Variants in NBPF11 observed in about 807,000 individuals in gnomAD.
NBPF11 encodes the protein NBPF family member NBPF11.
A neutral mutation model predicts 93.9 loss-of-function variants in NBPF11; 72 were observed. The ratio of observed to expected loss-of-function variants is 0.77; its 90% CI spans 0.63 to 0.93. The LOEUF is 0.93. Ranked by LOEUF, NBPF11 falls within the 40% of genes least tolerant of loss-of-function variation. NBPF11 has a pLI of 0.00. For synonymous variants in NBPF11, 224 were observed against 304.9 expected, an observed-to-expected ratio of 0.73 and a Z score of 2.76; for missense variants, 705 against 802.2, an observed-to-expected ratio of 0.88 and a Z score of 1.46.
chr1:148,134,418 C>A (rs2149273196), intron 4 of NBPF11, among the ~76,000 whole-genome samples: 1 of 148,072 alleles, frequency 6.8e-6, no homozygotes, highest in East Asian at 2.0e-4. Context: ...AGTGTGCACA[C>A]AGGGGAGCCA....
Position 148,124,888 on chromosome 1 carries a change from G to A in NBPF11, c.278+11C>T, listed in dbSNP as rs781838112. On this transcript the variant is annotated intron_variant, in intron 6 of 23. Coordinates refer to ENST00000682118, the MANE Select transcript of NBPF11 (RefSeq NM_001385469.3). Reference sequence around the variant, plus strand: ...CCTACCTGCCTGTCTCCCCCTACGGGGTCCCCTCACCTGAGCTCCTCAGCT... The same window carrying A: ...CCTACCTGCCTGTCTCCCCCTACGGAGTCCCCTCACCTGAGCTCCTCAGCT... 1.9e-6 allele frequency: 3 copies of A among 1,608,030 alleles called. No homozygotes were observed. The highest frequency in any genetic ancestry group is 2.2e-5 in the South Asian group (2 of 91,008).
intron 5 of NBPF11, among the ~76,000 whole-genome samples, chr1:148,126,234 C>T (rs1436038163): frequency 2.6e-5 from 4 of 151,906 alleles, no homozygotes; most frequent in South Asian, 2.1e-4. Context: ...CTGCTGACCT[C>T]GTCCTCTGCC....
chr1:148,104,037 T>G (rs2149158426), intron 23 of NBPF11, 125 bp from the exon 24 acceptor site: 1 of 1,588,962 alleles, frequency 6.3e-7, no homozygotes, highest in Non-Finnish European at 8.6e-7. Flanking sequence ...ATTAATGAGG[T>G]AACAAATTAT....
intron 10 of NBPF11, among the ~76,000 whole-genome samples, chr1:148,119,707 G>T (rs1220265108): frequency 6.6e-6 from 1 of 151,892 alleles, no homozygotes; most frequent in Non-Finnish European, 1.5e-5. Flanking sequence ...CCAGGCTGGA[G>T]TGCAACGGCA....
At chr1:148,106,755 C>T (rs1388987151) in intron 20 of NBPF11, among the ~76,000 whole-genome samples, 187 bp downstream of exon 20, 1 of 148,544 alleles carries the variant, frequency 6.7e-6, no homozygotes, top group Non-Finnish European at 1.5e-5. Flanking sequence ...TAGAGCCTTG[C>T]TCACTGACCC....
chr1:148,110,032 G>T (rs1173760065), intron 16 of NBPF11, among the ~76,000 whole-genome samples: 3 of 150,188 alleles, frequency 2.0e-5, no homozygotes, highest in Admixed American at 6.6e-5. Flanking sequence ...TTTGTAGCTG[G>T]CAAGAGACAT....
At chr1:148,151,464 C>G (rs1359067484) in intron 1 of NBPF11, among the ~76,000 whole-genome samples, 2 of 152,074 alleles carry the variant, frequency 1.3e-5, no homozygotes, top group Admixed American at 6.5e-5. Flanking sequence ...GACGTGCCCC[C>G]GAAGCTGCTC....
At chr1:148,132,769 T>C (rs1670632073) in intron 4 of NBPF11, among the ~76,000 whole-genome samples, 1 of 77,416 alleles carries the variant, frequency 1.3e-5, no homozygotes, top group Non-Finnish European at 2.3e-5. Context: ...TTTTTTTTTT[T>C]GAGACAGAGT....
chr1:148,126,534 T>A (rs1553273081), intron 5 of NBPF11, among the ~76,000 whole-genome samples: 11 of 152,014 alleles, frequency 7.2e-5, no homozygotes, highest in African/African-American at 9.7e-5. Flanking sequence ...GGATCTTATA[T>A]GGTACAGAGA....
chr1:148,148,731 C>T (rs1647392981), intron 1 of NBPF11, among the ~76,000 whole-genome samples: 2 of 151,900 alleles, frequency 1.3e-5, no homozygotes, highest in Admixed American at 6.5e-5. Context: ...GAAGAGTGTC[C>T]GCTGTCCTGG....
At chr1:148,106,699 C>T (rs1663713804) in intron 20 of NBPF11, among the ~76,000 whole-genome samples, 2 of 148,618 alleles carry the variant, frequency 1.3e-5, no homozygotes, top group Non-Finnish European at 3.0e-5. Context: ...GTCCAATGTG[C>T]TGAGAGTGGG....
chr1:148,127,265 G>T, intron 4 of NBPF11: 1 of 179,016 alleles, frequency 5.6e-6, no homozygotes, highest in Non-Finnish European at 9.3e-6. Flanking sequence ...GAGGTAGATT[G>T]TGGCCAGCGT....
At chr1:148,118,537 G>A in intron 11 of NBPF11, 83 bp downstream of exon 11, 1 of 1,311,096 alleles carries the variant, frequency 7.6e-7, no homozygotes, top group Non-Finnish European at 1.1e-6. Context: ...GCCCAGCTTA[G>A]CTCTTACGTC....
In NBPF11 at chr1:148,132,648, G is replaced by C. The variant is rs1267940845; in HGVS notation, c.-36+3024C>G. Among the ~76,000 whole-genome samples, 66 of 124,052 alleles carry C rather than the reference G, an allele frequency of 5.3e-4. 1 individual carries two copies. The highest frequency in any genetic ancestry group is 1.9e-3 in the African/African-American group (64 of 33,222). The allele number at this position is 124,052 out of a possible 152,430, so 81.4% of individuals were successfully genotyped here. On this transcript the variant is annotated intron_variant, in intron 4 of 23. Coordinates refer to ENST00000682118, the MANE Select transcript of NBPF11 (RefSeq NM_001385469.3). ...CAAGGTTTATCTCCCCACTAATTTA[G>C]TTCTTTCATAATTTCTCAAAGCAAT... is the stretch of plus-strand genomic sequence containing the variant.
intron 4 of NBPF11, chr1:148,127,316 G>A (rs1669329893): frequency 8.1e-6 from 1 of 124,004 alleles, no homozygotes; most frequent in Non-Finnish European, 1.3e-5. Context: ...GAATTAGAAG[G>A]TAGGGGTGTC....
At chr1:148,126,326 T>A (rs1669104770) in intron 5 of NBPF11, among the ~76,000 whole-genome samples, 1 of 151,782 alleles carries the variant, frequency 6.6e-6, no homozygotes, top group South Asian at 2.1e-4. Context: ...ATGCTGTCAC[T>A]TATAGATAGC....
rs1414978264 is a variant in NBPF11, at chr1:148,135,638, T to A, written c.-36+34A>T. The A allele has an allele frequency of 5.0e-6, 3 of 595,958 alleles. No homozygotes were observed. In the African/African-American group the frequency reaches 6.0e-5, roughly 12 times the overall value. 36.9% of individuals were successfully genotyped at this position (595,958 alleles called of 1,614,324 possible). A position where few individuals can be genotyped will look rare whatever the true frequency, so the allele number is the denominator to read the frequency against. ...TGCCCTGGAAAAACTACTGGTAGCA[T>A]CTTTCAGAAAGCTCTCTGTGTTTGA... On this transcript the variant is annotated intron_variant, in intron 4 of 23. Transcript: ENST00000682118.
intron 4 of NBPF11, among the ~76,000 whole-genome samples, chr1:148,132,325 T>C (rs1222834422): frequency 7.1e-6 from 1 of 140,960 alleles, no homozygotes; most frequent in African/African-American, 2.7e-5. Flanking sequence ...ATTTCTGGAT[T>C]CTCTCTTCTC....
intron 9 of NBPF11, among the ~76,000 whole-genome samples, chr1:148,121,005 A>C (rs1400792508): frequency 2.0e-5 from 3 of 152,002 alleles, no homozygotes; most frequent in Admixed American, 6.5e-5. Flanking sequence ...TGTGTAGCAC[A>C]AAAGATTTCA....
Sources: allele counts gnomAD v4.1 joint callset (sites outside exome capture counted in the v4.1 genomes callset), GRCh38; gene constraint gnomAD v4.1.1; transcripts MANE v1.5; gene names NCBI Gene and HGNC (gene_info 2026-07-23, HGNC 2026-07-21).